Variants in MFSD11 observed in about 807,000 individuals in gnomAD.
The protein encoded by MFSD11 is UNC93-like protein MFSD11.
A neutral mutation model predicts 53.5 loss-of-function variants in MFSD11; 36 were observed. That is an observed-to-expected ratio of 0.67 (90% CI 0.52 to 0.89). The LOEUF is 0.89. MFSD11 is among the 40% of genes least tolerant of loss of function. The pLI, the probability that MFSD11 is intolerant of heterozygous loss-of-function variation, is 0.00. For missense variants in MFSD11, 530 were observed against 543.9 expected (o/e 0.97, Z 0.25); for synonymous variants, 186 against 184.9 (o/e 1.01, Z -0.05).
At chr17:76,779,775 A>G (rs2082111971), downstream of MFSD11, among the ~76,000 whole-genome samples, 1 of 152,162 alleles carries the variant, frequency 6.6e-6, no homozygotes, top group Non-Finnish European at 1.5e-5. Flanking sequence ...GTGAGCCACC[A>G]TGCCCGGTCC....
In MFSD11 at chr17:76,742,230, A is replaced by G. The variant is rs780360874; in HGVS notation, c.394A>G (p.Ile132Val). The change falls in exon 5 of 13, where the codon ATT becomes GTT. Residue 132 changes from isoleucine (I) to valine (V), a missense_variant. Physicochemically the swap from Ile to Val is conservative, Grantham distance 29. Coordinates refer to ENST00000685175, the MANE Select transcript of MFSD11 (RefSeq NM_001242532.5). ...GACAATCAATTCGGATGAGCACAGC[A>G]TTGGGAGAAACAGTGGGATTTTCTG... ...CLTINSDEHSIGRNSGIFWAL... is the reference protein window; with the variant it reads ...CLTINSDEHSVGRNSGIFWAL... 25 of 1,614,076 alleles carry G rather than the reference A, an allele frequency of 1.5e-5. No homozygotes were observed. In the Admixed American group the frequency reaches 4.2e-4, roughly 27 times the overall value.
the MFSD11 span, among the ~76,000 whole-genome samples, chr17:76,788,396 C>T: frequency 8.8e-5 from 13 of 148,312 alleles, 1 homozygote; most frequent in Admixed American, 8.1e-4. Flanking sequence ...GACAGAGTCT[C>T]GCTGTGTTAT....
rs762464853 is a variant in MFSD11, at chr17:76,742,284, T to A, written c.437+11T>A. ...ACTTCTGCAGTCTAGGTAATTATCC[T>A]TTTGAGGTTCAGTCTTTCCTTTTCT... On this transcript the variant is annotated intron_variant, in intron 5 of 12. Transcript: ENST00000685175. 5.0e-6 allele frequency: 8 copies of A among 1,603,568 alleles called. No individual in the cohort carries two copies. Among genetic ancestry groups the A allele is most frequent in the Non-Finnish European group, 6.0e-6 (7 of 1,171,318 alleles).
chr17:76,769,937 A>C (rs2081241184), intron 10 of MFSD11, 66 bp downstream of exon 10: 1 of 1,440,232 alleles, frequency 6.9e-7, no homozygotes, highest in South Asian at 1.3e-5. Context: ...TAGAAATTTT[A>C]AGTGTGCTTC....
intron 8 of MFSD11, among the ~76,000 whole-genome samples, chr17:76,763,333 C>T (rs182969960): frequency 2.6e-5 from 4 of 151,604 alleles, no homozygotes; most frequent in Admixed American, 6.6e-5. Flanking sequence ...AGCACAATCT[C>T]GACTCACTGC....
chr17:76,767,109 T>G, intron 8 of MFSD11: 1 of 337,582 alleles, frequency 3.0e-6, no homozygotes, highest in Admixed American at 5.1e-5. Flanking sequence ...TTTTGTTTGA[T>G]TCTATTTTTT....
At chr17:76,788,556 G>C in the MFSD11 span, among the ~76,000 whole-genome samples, 3 of 149,062 alleles carry the variant, frequency 2.0e-5, no homozygotes, top group Non-Finnish European at 3.0e-5. Context: ...AGTAGAGACG[G>C]GGTTTCACAG....
At chr17:76,781,680 C>T (rs1215610722), downstream of MFSD11, among the ~76,000 whole-genome samples, 1 of 152,140 alleles carries the variant, frequency 6.6e-6, no homozygotes, top group Admixed American at 6.6e-5. Flanking sequence ...GCCATGGCAT[C>T]TTGTCACCCC....
chr17:76,741,887 C>A, intron 3 of MFSD11, 82 bp from the exon 4 acceptor site: 1 of 1,604,382 alleles, frequency 6.2e-7, no homozygotes, highest in South Asian at 1.1e-5. Flanking sequence ...AAGAGAATGT[C>A]AGAACTGATT....
intron 9 of MFSD11, among the ~76,000 whole-genome samples, chr17:76,767,885 G>A (rs1303101950): frequency 6.6e-6 from 1 of 152,198 alleles, no homozygotes; most frequent in East Asian, 1.9e-4. Flanking sequence ...CAAATTCAGT[G>A]TGGAAGGATT....
intron 8 of MFSD11, among the ~76,000 whole-genome samples, chr17:76,757,409 G>A (rs1393531804): frequency 1.3e-5 from 2 of 152,174 alleles, no homozygotes; most frequent in African/African-American, 4.8e-5. Flanking sequence ...ACAGGAAGTC[G>A]TGAGGTGGCA....
In MFSD11 at chr17:76,778,381, C is replaced by A. The variant is rs986691956; in HGVS notation, c.*29C>A. The A allele has an allele frequency of 6.2e-7, 1 of 1,610,300 alleles. No homozygotes were observed. The highest frequency in any genetic ancestry group is 8.5e-7 in the Non-Finnish European group (1 of 1,176,908). ...GGTGTCCGTGAGGGGACACGTATGA[C>A]CTCAGAAACACAGCTGGACACAGAG... is the stretch of plus-strand genomic sequence containing the variant. On this transcript the variant is annotated 3_prime_UTR_variant, in exon 13 of 13. Transcript: ENST00000685175.
rs145858193 is a variant in MFSD11, at chr17:76,757,435, T to C, written c.682+3348T>C. The stretch of plus-strand genomic sequence containing the variant: ...TGAGGTGGCAAGGGAGCCAGAGGCA[T>C]AGGGAGAGAGGGAGAATGAATGGCA... On this transcript the variant is annotated intron_variant, in intron 8 of 12. Coordinates refer to ENST00000685175, the MANE Select transcript of MFSD11 (RefSeq NM_001242532.5). Among the ~76,000 whole-genome samples, 127 of 152,068 alleles carry C rather than the reference T, an allele frequency of 8.4e-4. No homozygotes were observed. The South Asian group carries it at 0.013, about 16-fold the overall frequency.
downstream of MFSD11, among the ~76,000 whole-genome samples, chr17:76,785,026 A>C (rs2086031867): frequency 6.6e-6 from 1 of 152,248 alleles, no homozygotes; most frequent in Non-Finnish European, 1.5e-5. Context: ...TTGTTCACCC[A>C]CATTCACTGC....
rs371612921 is a variant in MFSD11 at position 76,754,061 on chromosome 17, A to G, written c.656A>G (p.Asn219Ser). The change falls in exon 8 of 13, where the codon AAT (asparagine) becomes AGT (serine). Residue 219 changes from asparagine (N) to serine (S), a missense_variant. Coordinates refer to ENST00000685175, the MANE Select transcript of MFSD11 (RefSeq NM_001242532.5). Reference sequence around the variant, plus strand: ...TATTTTCTCAGGTCTGCCCAGAACAATCTGACAAAGGCAGTAGATGCTTTT... The same window carrying G: ...TATTTTCTCAGGTCTGCCCAGAACAGTCTGACAAAGGCAGTAGATGCTTTT... ...DMEVNESAQN[N>S]LTKAVDAFKK... 2.3e-5 allele frequency: 37 copies of G among 1,613,212 alleles called. No homozygotes were observed. Among genetic ancestry groups the G allele is most frequent in the Non-Finnish European group, 2.9e-5 (34 of 1,179,462 alleles).
At chr17:76,752,855 A>G (rs1046825666) in intron 7 of MFSD11, 2 of 152,190 alleles carry the variant, frequency 1.3e-5, no homozygotes, top group African/African-American at 4.8e-5. Context: ...CTTCCCTTTT[A>G]AAACCTGAGA....
the MFSD11 span, among the ~76,000 whole-genome samples, chr17:76,799,720 A>G: frequency 6.6e-6 from 1 of 152,038 alleles, no homozygotes; most frequent in African/African-American, 2.4e-5. Flanking sequence ...TGTCCCAAAC[A>G]TTATTGCAAA....
intron 8 of MFSD11, among the ~76,000 whole-genome samples, chr17:76,762,850 T>A (rs73999403): frequency 0.11 from 16,032 of 151,910 alleles, 2,782 homozygotes; most frequent in African/African-American, 0.36. Context: ...AAACAAGCTA[T>A]TTAGATAAAC....
At chr17:76,799,954 C>CTT in the MFSD11 span, among the ~76,000 whole-genome samples, 1 of 87,314 alleles carries the variant, frequency 1.1e-5, no homozygotes. Flanking sequence ...TTTTCTTTTT[C>CTT]CTTTTTTTTT....
Sources: allele counts gnomAD v4.1 joint callset (sites outside exome capture counted in the v4.1 genomes callset), GRCh38; gene constraint gnomAD v4.1.1; transcripts MANE v1.5; gene names NCBI Gene and HGNC (gene_info 2026-07-23, HGNC 2026-07-21).